SCAPER: variants seen among roughly 807,000 people sequenced by gnomAD.
SCAPER encodes the protein S-phase cyclin A associated protein in the ER, also known as S phase cyclin A-associated protein in the endoplasmic reticulum.
Under a neutral mutation model 182.2 loss-of-function variants are expected in SCAPER, and 98 were observed. The ratio of observed to expected loss-of-function variants is 0.54; its 90% CI spans 0.46 to 0.64. SCAPER has a LOEUF of 0.64. Among genes scored for constraint, SCAPER ranks in the 30% least tolerant of loss-of-function variants. SCAPER has a pLI of 0.00. For synonymous variants in SCAPER, 605 were observed against 564.6 expected, an observed-to-expected ratio of 1.07 and a Z score of -1.01; for missense variants, 1,432 against 1,690.0, an observed-to-expected ratio of 0.85 and a Z score of 2.68.
chr15:76,826,558 A>G (rs1220886950), intron 5 of SCAPER, among the ~76,000 whole-genome samples: 1 of 91,540 alleles, frequency 1.1e-5, no homozygotes, highest in African/African-American at 3.7e-5. Flanking sequence ...AACTTTAAGT[A>G]TAATAATAAT....
At chr15:76,832,726 T>C (rs2068600540) in intron 5 of SCAPER, among the ~76,000 whole-genome samples, 1 of 152,134 alleles carries the variant, frequency 6.6e-6, no homozygotes. Context: ...TCACGAGATC[T>C]GGTTGCTTAA....
chr15:76,544,493 CAG>C (rs1274281439), intron 23 of SCAPER, among the ~76,000 whole-genome samples: 1 of 152,124 alleles, frequency 6.6e-6, no homozygotes, highest in African/African-American at 2.4e-5. Context: ...TAAAAAGTAA[CAG>C]AATGCGGATA....
chr15:76,349,701 A>G (rs1392752119), intron 31 of SCAPER: 1 of 151,998 alleles, frequency 6.6e-6, no homozygotes, highest in African/African-American at 2.4e-5. Context: ...TCATTAACAT[A>G]GTGATGACCC....
At chr15:76,399,045 T>C (rs181146183) in intron 27 of SCAPER, among the ~76,000 whole-genome samples, 5 of 152,324 alleles carry the variant, frequency 3.3e-5, no homozygotes, top group Admixed American at 3.3e-4. Context: ...ATTACAGCAA[T>C]TGAGCTCCTG....
Position 76,348,695 on chromosome 15 carries a change from T to G in SCAPER, c.4141A>C (p.Arg1381=). 1 of 1,558,984 alleles carries G rather than the reference T, an allele frequency of 6.4e-7. No homozygotes were observed. The highest frequency in any genetic ancestry group is 8.7e-7 in the Non-Finnish European group (1 of 1,149,850). Residue 1381 remains arginine, a synonymous_variant, in exon 32 of 32, where the codon AGA becomes CGA. Transcript: ENST00000563290. ...TCTTCCCAGGCCTGCTGAGGAAATC[T>G]GTTAGCCAGCTCAAGATAGTCTTGG... is the stretch of plus-strand genomic sequence containing the variant. ...GSQDYLELAN[R]FPQQAWEEAR... is the part of the protein sequence containing the mutation.
chr15:76,590,013 C>T (rs564765907), intron 22 of SCAPER, among the ~76,000 whole-genome samples: 1 of 152,210 alleles, frequency 6.6e-6, no homozygotes, highest in African/African-American at 2.4e-5. Context: ...ACAATTTGGG[C>T]ACTCACAGTA....
chr15:76,482,622 G>T (rs899192681), intron 24 of SCAPER, among the ~76,000 whole-genome samples: 13 of 152,210 alleles, frequency 8.5e-5, no homozygotes, highest in African/African-American at 3.1e-4. Flanking sequence ...GTGACAAAAA[G>T]CCTCCTCGAA....
chr15:76,516,462 T>A (rs2042433408), intron 23 of SCAPER, among the ~76,000 whole-genome samples: 2 of 148,010 alleles, frequency 1.4e-5, no homozygotes, highest in African/African-American at 5.0e-5. Flanking sequence ...AAACATGCAG[T>A]GTTTGGTTTT....
At chr15:76,888,511 G>A (rs1435281805) in intron 1 of SCAPER, among the ~76,000 whole-genome samples, 2 of 152,176 alleles carry the variant, frequency 1.3e-5, no homozygotes, top group Non-Finnish European at 2.9e-5. Flanking sequence ...ACCATGGCAA[G>A]AGAACTTCGT....
At chr15:76,701,343 T>C (rs1380330507) in intron 20 of SCAPER, among the ~76,000 whole-genome samples, 1 of 151,852 alleles carries the variant, frequency 6.6e-6, no homozygotes, top group African/African-American at 2.4e-5. Flanking sequence ...CTAAATTCCA[T>C]GTTGACAATA....
At chr15:76,558,944 C>T (rs1476350621) in intron 23 of SCAPER, among the ~76,000 whole-genome samples, 2 of 152,120 alleles carry the variant, frequency 1.3e-5, no homozygotes, top group Non-Finnish European at 2.9e-5. Context: ...AATATCCCCA[C>T]GTGTCAAGGG....
chr15:76,510,399 CAACA>C (rs1437787729), intron 23 of SCAPER, among the ~76,000 whole-genome samples: 6 of 152,004 alleles, frequency 3.9e-5, no homozygotes, highest in East Asian at 1.9e-4. Flanking sequence ...ACAACAACAA[CAACA>C]AACAAACAAC....
At chr15:76,569,412 T>C (rs573501750) in intron 23 of SCAPER, among the ~76,000 whole-genome samples, 438 of 152,288 alleles carry the variant, frequency 2.9e-3, no homozygotes, top group African/African-American at 0.01. Flanking sequence ...ATTATCCTTA[T>C]TAGATATTGC....
intron 17 of SCAPER, among the ~76,000 whole-genome samples, chr15:76,722,878 G>T (rs958133895): frequency 1.3e-5 from 2 of 151,852 alleles, no homozygotes; most frequent in Non-Finnish European, 2.9e-5. Context: ...AAAAAAACAG[G>T]CTCCTGGATT....
In SCAPER at chr15:76,728,597, A is replaced by G. The variant is rs1377868687; in HGVS notation, c.2163T>C (p.Ala721=). The stretch of plus-strand genomic sequence containing the variant: ...CATCAAGATAGCAAATGAGATACCT[A>G]GCTCTTTCCCGGGCTGCATCCTCAC... ...KAREDAARER[A]RDREERLAAL... The change falls in exon 17 of 32, where the codon GCT becomes GCC. Residue 721 remains alanine, a splice_region_variant and synonymous_variant. Transcript: ENST00000563290. The G allele has an allele frequency of 6.2e-7, 1 of 1,613,418 alleles. No individual in the cohort carries two copies. The highest frequency in any genetic ancestry group is 8.5e-7 in the Non-Finnish European group (1 of 1,179,538).
At chr15:76,421,197 C>T (rs1471899573) in intron 26 of SCAPER, among the ~76,000 whole-genome samples, 2 of 152,214 alleles carry the variant, frequency 1.3e-5, no homozygotes, top group African/African-American at 2.4e-5. Context: ...AATTGCCACA[C>T]TGTCTTCCAC....
chr15:76,885,110 A>C (rs1476925323), intron 1 of SCAPER, among the ~76,000 whole-genome samples: 2 of 152,150 alleles, frequency 1.3e-5, no homozygotes, highest in African/African-American at 4.8e-5. Context: ...TGGCTGCAAA[A>C]CTCTGTGAAT....
Position 76,598,854 on chromosome 15 carries a change from A to T in SCAPER, c.2711+22910T>A, listed in dbSNP as rs559577459. ...TTAGGAGAACTACCTAATGTAGATG[A>T]CGGGTTGATGGGTGCAGCATGGCAC... On this transcript the variant is annotated intron_variant, in intron 22 of 31. Coordinates refer to ENST00000563290, the MANE Select transcript of SCAPER (RefSeq NM_020843.4). 9.9e-3 allele frequency among the ~76,000 whole-genome samples: 1,182 copies of T among 118,982 alleles called. 129 individuals are homozygous for T. Among genetic ancestry groups the T allele is most frequent in the African/African-American group, 0.028 (1,116 of 39,270 alleles). 78.1% of individuals were successfully genotyped at this position (118,982 alleles called of 152,430 possible).
chr15:76,374,328 C>CA (rs1361990728), intron 29 of SCAPER, among the ~76,000 whole-genome samples: 1 of 151,530 alleles, frequency 6.6e-6, no homozygotes, highest in East Asian at 2.0e-4. Context: ...GCAGAGGTTG[C>CA]AGTGAGCCAA....
Sources: allele counts gnomAD v4.1 joint callset (sites outside exome capture counted in the v4.1 genomes callset), GRCh38; gene constraint gnomAD v4.1.1; transcripts MANE v1.5; gene names NCBI Gene and HGNC (gene_info 2026-07-23, HGNC 2026-07-21).